The following HERC2 variants were observed in gnomAD, a reference collection of about 807,000 sequenced individuals.
HERC2 encodes the protein E3 ubiquitin-protein ligase HERC2.
Under a neutral mutation model 537.7 loss-of-function variants are expected in HERC2, and 102 were observed. The ratio of observed to expected loss-of-function variants is 0.19; its 90% CI spans 0.16 to 0.22. The LOEUF (loss-of-function observed/expected upper bound fraction) is 0.22, where lower values mean the gene tolerates loss of function less well. Ranked by LOEUF, HERC2 falls within the 10% of genes least tolerant of loss-of-function variation. The pLI, the probability that HERC2 is intolerant of heterozygous loss-of-function variation, is 1.00. For synonymous variants in HERC2, 2,224 were observed against 2,466.2 expected, an observed-to-expected ratio of 0.90 and a Z score of 2.91; for missense variants, 4,236 against 6,198.2, an observed-to-expected ratio of 0.68 and a Z score of 10.63.
rs770126566 is a variant in HERC2 at position 28,152,693 on chromosome 15, G to A, written c.10884C>T (p.Gly3628=). 6.5e-7 allele frequency: 1 copy of A among 1,550,320 alleles called. No homozygotes were observed. The highest frequency in any genetic ancestry group is 8.7e-7 in the Non-Finnish European group (1 of 1,146,586). The part of the protein sequence containing the change: ...HPYTDDTSTS[G]TVKIPGAEGL... ...CCCCTGTACCTGGTATCTTCACTGTGCCACTGGTGGAGGTGTCGTCGGTGT... is the reference window on the plus strand; with the variant it reads ...CCCCTGTACCTGGTATCTTCACTGTACCACTGGTGGAGGTGTCGTCGGTGT... The change falls in exon 70 of 93, where the codon GGC becomes GGT. Residue 3628 remains glycine (G), a synonymous_variant. Transcript: ENST00000261609.
chr15:28,221,543 TG>T (rs1567034354), intron 36 of HERC2, among the ~76,000 whole-genome samples: 1 of 119,054 alleles, frequency 8.4e-6, no homozygotes, highest in Non-Finnish European at 1.8e-5. Flanking sequence ...GACTTCCACC[TG>T]GGGGCACCTG....
chr15:28,128,272 C>T (rs895450604), intron 83 of HERC2, among the ~76,000 whole-genome samples: 1 of 152,110 alleles, frequency 6.6e-6, no homozygotes, highest in Admixed American at 6.5e-5. Context: ...TGGGCATGGG[C>T]GTCAGGCGGG....
intron 4 of HERC2, among the ~76,000 whole-genome samples, chr15:28,290,113 C>A (rs2076273326): frequency 6.6e-6 from 1 of 152,198 alleles, no homozygotes; most frequent in Non-Finnish European, 1.5e-5. Flanking sequence ...TTTAAAGTTA[C>A]TAAATAATCA....
chr15:28,309,892 C>G (rs2141266152), intron 2 of HERC2, among the ~76,000 whole-genome samples: 1 of 152,358 alleles, frequency 6.6e-6, no homozygotes, highest in East Asian at 1.9e-4. Flanking sequence ...TCTCTCAGCA[C>G]TCTTATTTTT....
At chr15:28,292,250 A>C (rs2076337408) in intron 4 of HERC2, among the ~76,000 whole-genome samples, 1 of 151,730 alleles carries the variant, frequency 6.6e-6, no homozygotes. Context: ...AAAAAAAAAA[A>C]AAACCAGGCA....
chr15:28,287,343 A>C (rs1368718958), intron 4 of HERC2, among the ~76,000 whole-genome samples: 2 of 152,196 alleles, frequency 1.3e-5, no homozygotes, highest in African/African-American at 4.8e-5. Flanking sequence ...AAGCCCCTTC[A>C]AGGCTGCCAG....
In HERC2 at chr15:28,274,986, CT is replaced by C; in HGVS notation, c.561del (p.Gly188ValfsTer78). The C allele has an allele frequency of 6.2e-7, 1 of 1,607,638 alleles. No individual in the cohort carries two copies. On this transcript the variant is annotated frameshift_variant, in exon 6 of 93. Coordinates refer to ENST00000261609, the MANE Select transcript of HERC2 (RefSeq NM_004667.6). LOFTEE classifies it high-confidence loss of function. Reference sequence around the variant, plus strand: ...CCCACTCTGGCGAGCCCCTCCACACCTTTGCCCGCAGGCCGGGAACTGCAGA... The same window carrying C: ...CCCACTCTGGCGAGCCCCTCCACACCTTGCCCGCAGGCCGGGAACTGCAGA... ...VDKKSSRPAG[K>X]GVEGLARVGS... is the part of the protein sequence containing the mutation.
intron 86 of HERC2, among the ~76,000 whole-genome samples, chr15:28,120,677 G>C (rs966864508): frequency 7.2e-5 from 11 of 152,232 alleles, no homozygotes; most frequent in Admixed American, 2.0e-4. Context: ...GTGGTGGGGA[G>C]GGTGTGAGGA....
intron 26 of HERC2, among the ~76,000 whole-genome samples, chr15:28,235,548 G>C (rs541010417): frequency 6.6e-6 from 1 of 152,082 alleles, no homozygotes; most frequent in Non-Finnish European, 1.5e-5. Context: ...AGCCTTCTGC[G>C]ACACCCACTC....
At chr15:28,228,129 TAA>T (rs367658561) in intron 35 of HERC2, 87 bp downstream of exon 35, 1,630 of 931,842 alleles carry the variant, frequency 1.7e-3, no homozygotes, top group Non-Finnish European at 2.0e-3. Flanking sequence ...CAAAAAGCTT[TAA>T]AAAAAAAAAA....
Position 28,144,228 on chromosome 15 carries a change from T to C in HERC2, c.11148A>G (p.Lys3716=), listed in dbSNP as rs923939095. Residue 3716 remains lysine, a synonymous_variant, in exon 73 of 93, where the codon AAA becomes AAG. Transcript: ENST00000261609. Reference sequence around the variant, plus strand: ...GGACGCAGCGGTCAGAGAGGAGTTCTTTAGGGCCTGTGAATGAACACTGTA... The same window carrying C: ...GGACGCAGCGGTCAGAGAGGAGTTCCTTAGGGCCTGTGAATGAACACTGTA... ...VYPIMPAAGP[K]ELLSDRCVLS... 1 of 1,613,808 alleles carries C rather than the reference T, an allele frequency of 6.2e-7. No homozygotes were observed. Among genetic ancestry groups the C allele is most frequent in the African/African-American group, 1.3e-5 (1 of 74,912 alleles).
At chr15:28,232,071 C>T (rs946834240) in intron 30 of HERC2, among the ~76,000 whole-genome samples, 1 of 152,116 alleles carries the variant, frequency 6.6e-6, no homozygotes, top group African/African-American at 2.4e-5. Flanking sequence ...ATCCAGAGCA[C>T]CCCTCGCATT....
chr15:28,247,046 C>A, intron 21 of HERC2, 149 bp from the exon 22 acceptor site: 1 of 680,044 alleles, frequency 1.5e-6, no homozygotes, highest in East Asian at 3.0e-5. Flanking sequence ...TGTCCTTGCG[C>A]TCTTTCTGTA....
chr15:28,318,407 A>G (rs1167475729), intron 2 of HERC2, among the ~76,000 whole-genome samples: 1 of 152,182 alleles, frequency 6.6e-6, no homozygotes, highest in African/African-American at 2.4e-5. Flanking sequence ...CGGGTGGATC[A>G]CTTGAGGTCA....
At chr15:28,318,234 G>A (rs1051028864) in intron 2 of HERC2, among the ~76,000 whole-genome samples, 1 of 152,118 alleles carries the variant, frequency 6.6e-6, no homozygotes, top group Admixed American at 6.6e-5. Flanking sequence ...AAAATAAAAA[G>A]TGATGTGACT....
intron 4 of HERC2, among the ~76,000 whole-genome samples, chr15:28,285,530 T>C (rs982534374): frequency 3.3e-5 from 5 of 151,728 alleles, no homozygotes; most frequent in African/African-American, 1.2e-4. Context: ...TCAAAATGCA[T>C]GGGAAAGAGC....
intron 20 of HERC2, among the ~76,000 whole-genome samples, chr15:28,252,932 C>G (rs2075130598): frequency 6.6e-6 from 1 of 152,238 alleles, no homozygotes; most frequent in African/African-American, 2.4e-5. Context: ...CACAGACCCA[C>G]CATGGTCCCA....
rs562313034 is a variant in HERC2, at chr15:28,134,981, A to G, written c.12230+497T>C. 9.1e-4 allele frequency among the ~76,000 whole-genome samples: 139 copies of G among 152,184 alleles called. 1 individual carries two copies. Among genetic ancestry groups the G allele is most frequent in the African/African-American group, 3.0e-3 (124 of 41,520 alleles). On this transcript the variant is annotated intron_variant, in intron 79 of 92. Coordinates refer to ENST00000261609, the MANE Select transcript of HERC2 (RefSeq NM_004667.6). ...AGCCACCACGCCGGACCTGTTTAAT[A>G]TATTTTATATGGTGGTTTAGTTATT... is the stretch of plus-strand genomic sequence containing the variant.
intron 2 of HERC2, among the ~76,000 whole-genome samples, chr15:28,303,993 CTG>C (rs1333204543): frequency 1.3e-5 from 2 of 151,984 alleles, no homozygotes; most frequent in Non-Finnish European, 2.9e-5. Context: ...TGGTGAAACC[CTG>C]TCTCTACTAA....
Sources: allele counts gnomAD v4.1 joint callset (sites outside exome capture counted in the v4.1 genomes callset), GRCh38; gene constraint gnomAD v4.1.1; transcripts MANE v1.5; gene names NCBI Gene and HGNC (gene_info 2026-07-23, HGNC 2026-07-21).